MPP7: variants seen among roughly 807,000 people sequenced by gnomAD.
MPP7 encodes the protein MAGUK p55 subfamily member 7.
In MPP7, 60 loss-of-function variants were observed where a neutral mutation model predicts 76.5. The ratio of observed to expected loss-of-function variants is 0.78; its 90% CI spans 0.64 to 0.97. The LOEUF (loss-of-function observed/expected upper bound fraction) is 0.97, where lower values mean the gene tolerates loss of function less well. Ranked by LOEUF, MPP7 falls within the 50% of genes least tolerant of loss-of-function variation. The pLI, the probability that MPP7 is intolerant of heterozygous loss-of-function variation, is 0.00. For synonymous variants in MPP7, 237 were observed against 244.5 expected, an observed-to-expected ratio of 0.97 and a Z score of 0.29; for missense variants, 641 against 694.0, an observed-to-expected ratio of 0.92 and a Z score of 0.86.
chr10:28,298,669 G>A (rs1841085715), intron 1 of MPP7, among the ~76,000 whole-genome samples: 1 of 152,228 alleles, frequency 6.6e-6, no homozygotes, highest in South Asian at 2.1e-4. Context: ...AAAAGAGTCA[G>A]CCTGGCCTTT....
chr10:28,222,639 T>G (rs111292317), intron 2 of MPP7, among the ~76,000 whole-genome samples: 2,328 of 151,902 alleles, frequency 0.015, 69 homozygotes, highest in African/African-American at 0.051. Flanking sequence ...GGTCACGAGG[T>G]CAGGAGATAG....
At chr10:28,314,087 C>A (rs1390717726) in intron 2 of MPP7, among the ~76,000 whole-genome samples, 1 of 152,044 alleles carries the variant, frequency 6.6e-6, no homozygotes, top group East Asian at 1.9e-4. Context: ...ATTCTAATTT[C>A]CACACTATTT....
In MPP7 at chr10:28,070,734, A is replaced by G. The variant is rs555398333; in HGVS notation, c.1124-882T>C. Among the ~76,000 whole-genome samples, 4 of 152,362 alleles carry G rather than the reference A, an allele frequency of 2.6e-5. No individual in the cohort carries two copies. The East Asian group carries it at 7.7e-4, about 29-fold the overall frequency. ...GACATATATAAGGAGCAAGGCATACAGTAGATTCTGCGGACAACAAAAGAT... is the reference window on the plus strand; with the variant it reads ...GACATATATAAGGAGCAAGGCATACGGTAGATTCTGCGGACAACAAAAGAT... On this transcript the variant is annotated intron_variant, in intron 12 of 16. Coordinates refer to ENST00000683449, the MANE Select transcript of MPP7 (RefSeq NM_001318170.2).
At chr10:28,084,859 T>C (rs12259120) in intron 12 of MPP7, among the ~76,000 whole-genome samples, 2 of 152,048 alleles carry the variant, frequency 1.3e-5, no homozygotes, top group African/African-American at 4.8e-5. Context: ...ACAGGTGCAG[T>C]AAGAAACCCT....
At chr10:28,120,771 G>C in intron 8 of MPP7, 103 bp from the exon 9 acceptor site, 1 of 832,900 alleles carries the variant, frequency 1.2e-6, no homozygotes, top group Non-Finnish European at 1.9e-6. Flanking sequence ...ACAAGCTTGG[G>C]GCTTCTACTC....
intron 12 of MPP7, among the ~76,000 whole-genome samples, chr10:28,089,215 T>C (rs1853168124): frequency 2.0e-5 from 3 of 152,082 alleles, no homozygotes; most frequent in Admixed American, 2.0e-4. Context: ...ACCCAGCCAA[T>C]TATCAACTTT....
At chr10:28,176,770 C>T (rs1414003204) in intron 3 of MPP7, among the ~76,000 whole-genome samples, 3 of 149,944 alleles carry the variant, frequency 2.0e-5, no homozygotes, top group Non-Finnish European at 3.0e-5. Flanking sequence ...AGCAAACTTT[C>T]GCAAGGATAG....
rs578089204 is a variant in MPP7, at chr10:28,133,279, G to A, written c.316-1588C>T. ...TAAATCACATAACTACCCCTTAATA[G>A]CCCTTCTAAAGTTGCCCATCCATTG... On this transcript the variant is annotated intron_variant, in intron 5 of 16. Coordinates refer to ENST00000683449, the MANE Select transcript of MPP7 (RefSeq NM_001318170.2). Among the ~76,000 whole-genome samples the A allele has an allele frequency of 8.5e-5, 13 of 152,164 alleles. No individual in the cohort carries two copies. The South Asian group carries it at 2.3e-3, about 27-fold the overall frequency.
intron 2 of MPP7, among the ~76,000 whole-genome samples, chr10:28,318,279 G>A (rs756315082): frequency 1.3e-5 from 2 of 152,142 alleles, no homozygotes; most frequent in Non-Finnish European, 2.9e-5. Flanking sequence ...TAAATGAGAC[G>A]ACACTTCAAA....
chr10:28,075,455 T>C (rs1852440350), intron 12 of MPP7, among the ~76,000 whole-genome samples: 1 of 152,150 alleles, frequency 6.6e-6, no homozygotes, highest in Non-Finnish European at 1.5e-5. Flanking sequence ...TGTCTTATCC[T>C]GTGTCCACAG....
intron 3 of MPP7, among the ~76,000 whole-genome samples, chr10:28,150,592 C>T (rs1198841968): frequency 6.6e-6 from 1 of 152,110 alleles, no homozygotes; most frequent in Non-Finnish European, 1.5e-5. Flanking sequence ...CACACTGTTC[C>T]TTTTATTATA....
rs139005968 is a variant in MPP7 at position 28,251,787 on chromosome 10, T to C, written c.-131-13052A>G. On this transcript the variant is annotated intron_variant, in intron 1 of 16. Transcript: ENST00000683449. ...ACTTTTGCCATTTAGCCAGGCAGGA[T>C]AGCACACACCTGTAGTCCCAGATAC... Among the ~76,000 whole-genome samples the C allele has an allele frequency of 9.5e-4, 145 of 152,202 alleles. 1 individual carries two copies. Among genetic ancestry groups the C allele is most frequent in the East Asian group, 2.5e-3 (13 of 5,164 alleles).
At position 28,262,263 on chromosome 10, in the gene MPP7, A is replaced by ATG. The variant is rs1491155977; in HGVS notation, c.-131-23529_-131-23528insCA. ...TATATACATATATATATATATGTAT[A>ATG]TATATATATATATATTTTTTTTTTT... On this transcript the variant is annotated intron_variant, in intron 1 of 16. Coordinates refer to ENST00000683449, the MANE Select transcript of MPP7 (RefSeq NM_001318170.2). 3.3e-4 allele frequency among the ~76,000 whole-genome samples: 16 copies of ATG among 48,900 alleles called. 1 individual carries two copies. The highest frequency in any genetic ancestry group is 1.7e-3 in the African/African-American group (16 of 9,582). The allele number at this position is 48,900 out of a possible 152,430, so 32.1% of individuals were successfully genotyped here. A position where few individuals can be genotyped will look rare whatever the true frequency, so the allele number is the denominator to read the frequency against.
chr10:28,239,134 TTTA>T (rs1839178405), intron 1 of MPP7, among the ~76,000 whole-genome samples: 1 of 144,174 alleles, frequency 6.9e-6, no homozygotes, highest in Non-Finnish European at 1.5e-5. Context: ...ACTTATAATT[TTTA>T]TTTTTTTATT....
intron 12 of MPP7, among the ~76,000 whole-genome samples, chr10:28,076,495 T>C (rs1419075823): frequency 6.6e-6 from 1 of 151,928 alleles, no homozygotes; most frequent in Admixed American, 6.6e-5. Context: ...ACCTTCTAAG[T>C]ACAAATAACG....
At chr10:28,238,146 T>A (rs957475508) in intron 2 of MPP7, among the ~76,000 whole-genome samples, 9 of 151,634 alleles carry the variant, frequency 5.9e-5, no homozygotes, top group Non-Finnish European at 1.2e-4. Flanking sequence ...AGAATTGGGG[T>A]AAGGATAATG....
chr10:28,237,263 C>T (rs1221877074), intron 2 of MPP7, among the ~76,000 whole-genome samples: 1 of 152,084 alleles, frequency 6.6e-6, no homozygotes, highest in African/African-American at 2.4e-5. Flanking sequence ...TCCATAATTT[C>T]CCAAAGCACT....
intron 5 of MPP7, among the ~76,000 whole-genome samples, chr10:28,140,981 A>G (rs1313988194): frequency 1.3e-5 from 2 of 152,174 alleles, no homozygotes; most frequent in African/African-American, 4.8e-5. Flanking sequence ...TGACAGCACA[A>G]CTTTGGTCTC....
At chr10:28,246,033 G>C (rs1255738665) in intron 1 of MPP7, among the ~76,000 whole-genome samples, 1 of 152,082 alleles carries the variant, frequency 6.6e-6, no homozygotes, top group Non-Finnish European at 1.5e-5. Context: ...GGGAGTCTGA[G>C]AAGAACAGAG....
Sources: allele counts gnomAD v4.1 joint callset (sites outside exome capture counted in the v4.1 genomes callset), GRCh38; gene constraint gnomAD v4.1.1; transcripts MANE v1.5; gene names NCBI Gene and HGNC (gene_info 2026-07-23, HGNC 2026-07-21).